Variants in EEFSEC observed in about 807,000 individuals in gnomAD.
EEFSEC encodes selenocysteine-specific elongation factor.
EEFSEC carries 43 observed loss-of-function variants against 42.1 expected under a neutral mutation model. The observed-to-expected ratio is 1.02, with a 90% confidence interval of 0.80 to 1.32. The LOEUF (loss-of-function observed/expected upper bound fraction) is 1.32, where lower values mean the gene tolerates loss of function less well. EEFSEC is among the 40% of genes most tolerant of loss of function. The probability of loss-of-function intolerance (pLI) is 0.00; values close to 1 mark genes in which losing one functional copy is unlikely to be tolerated. For synonymous variants in EEFSEC, 354 were observed against 339.1 expected (o/e 1.04, Z -0.48); for missense variants, 745 against 803.6 (o/e 0.93, Z 0.88).
intron 4 of EEFSEC, among the ~76,000 whole-genome samples, chr3:128,316,434 C>T (rs561859985): frequency 1.3e-4 from 20 of 152,290 alleles, no homozygotes; most frequent in African/African-American, 3.1e-4. Flanking sequence ...TACCGCTCTC[C>T]CCCTCTCTTC....
chr3:128,286,420 T>G (rs776726571), intron 4 of EEFSEC, among the ~76,000 whole-genome samples: 7 of 152,268 alleles, frequency 4.6e-5, no homozygotes, highest in Non-Finnish European at 8.8e-5. Flanking sequence ...TACAGGAGAC[T>G]TGTCTCTTCT....
intron 4 of EEFSEC, among the ~76,000 whole-genome samples, chr3:128,271,201 A>G (rs1213717765): frequency 6.6e-6 from 1 of 152,158 alleles, no homozygotes; most frequent in Non-Finnish European, 1.5e-5. Flanking sequence ...TCAAGGCTGC[A>G]TCCTGATGCT....
At chr3:128,399,399 C>A (rs923828477) in intron 6 of EEFSEC, among the ~76,000 whole-genome samples, 1 of 152,230 alleles carries the variant, frequency 6.6e-6, no homozygotes, top group Non-Finnish European at 1.5e-5. Flanking sequence ...CGCTTGAGAG[C>A]CTCGGAAAGA....
intron 6 of EEFSEC, among the ~76,000 whole-genome samples, chr3:128,373,378 C>T (rs2067675105): frequency 6.6e-6 from 1 of 152,184 alleles, no homozygotes; most frequent in East Asian, 1.9e-4. Context: ...GCCACAGAGT[C>T]AGCTGAGTTT....
intron 5 of EEFSEC, among the ~76,000 whole-genome samples, chr3:128,350,714 G>T (rs535742588): frequency 6.6e-6 from 1 of 152,350 alleles, no homozygotes; most frequent in South Asian, 2.1e-4. Context: ...GAAAGAGCCA[G>T]TTCTGGAAAC....
chr3:128,219,551 A>G (rs894842702), intron 1 of EEFSEC, among the ~76,000 whole-genome samples: 2 of 151,678 alleles, frequency 1.3e-5, no homozygotes, highest in African/African-American at 4.8e-5. Context: ...CTTCTTGACT[A>G]CCCTTTTTAG....
At chr3:128,342,190 G>A (rs536696570) in intron 5 of EEFSEC, among the ~76,000 whole-genome samples, 1 of 152,232 alleles carries the variant, frequency 6.6e-6, no homozygotes, top group Non-Finnish European at 1.5e-5. Flanking sequence ...ATGGGTCTGA[G>A]CAGGTCTGGG....
At chr3:128,421,018 G>A in the EEFSEC span, among the ~76,000 whole-genome samples, 1 of 152,132 alleles carries the variant, frequency 6.6e-6, no homozygotes, top group African/African-American at 2.4e-5. Flanking sequence ...TCATAGGGCT[G>A]GCCAGGGCCA....
intron 4 of EEFSEC, among the ~76,000 whole-genome samples, chr3:128,334,244 A>G (rs1208330602): frequency 6.6e-6 from 1 of 152,148 alleles, no homozygotes; most frequent in Non-Finnish European, 1.5e-5. Context: ...ATTGGCATTG[A>G]TGTGAGAGTC....
chr3:128,414,703 G>T, the EEFSEC span, among the ~76,000 whole-genome samples: 1 of 152,112 alleles, frequency 6.6e-6, no homozygotes, highest in African/African-American at 2.4e-5. Context: ...ACCTCATAGC[G>T]TAACTAACTT....
chr3:128,206,742 A>G (rs73195208), intron 1 of EEFSEC, among the ~76,000 whole-genome samples: 15,835 of 152,164 alleles, frequency 0.1, 859 homozygotes, highest in Non-Finnish European at 0.12. Flanking sequence ...GTGACCTGTA[A>G]GGTAGGTGGG....
At chr3:128,302,927 T>C (rs1238830424) in intron 4 of EEFSEC, among the ~76,000 whole-genome samples, 2 of 152,194 alleles carry the variant, frequency 1.3e-5, no homozygotes, top group African/African-American at 4.8e-5. Flanking sequence ...GTTATATGGC[T>C]GTACCATATT....
intron 1 of EEFSEC, among the ~76,000 whole-genome samples, chr3:128,229,180 T>C (rs1024453281): frequency 6.6e-6 from 1 of 152,180 alleles, no homozygotes; most frequent in Non-Finnish European, 1.5e-5. Flanking sequence ...GTAGGCCCTG[T>C]TTTTACACAG....
chr3:128,216,042 T>G (rs1224585826), intron 1 of EEFSEC, among the ~76,000 whole-genome samples: 1 of 152,080 alleles, frequency 6.6e-6, no homozygotes, highest in Non-Finnish European at 1.5e-5. Context: ...TAGGTCTCCA[T>G]AACAATGGGG....
At chr3:128,404,347 A>C (rs1344587711) in intron 6 of EEFSEC, among the ~76,000 whole-genome samples, 1 of 152,234 alleles carries the variant, frequency 6.6e-6, no homozygotes, top group Non-Finnish European at 1.5e-5. Context: ...CACCAGTGCC[A>C]GATAGACTTT....
At chr3:128,323,949 C>T (rs2067035839) in intron 4 of EEFSEC, among the ~76,000 whole-genome samples, 2 of 152,232 alleles carry the variant, frequency 1.3e-5, no homozygotes, top group South Asian at 4.1e-4. Context: ...GGGGCTCCCT[C>T]AGCTGAGGCT....
At chr3:128,381,156 A>G (rs1033189636) in intron 6 of EEFSEC, among the ~76,000 whole-genome samples, 1 of 152,184 alleles carries the variant, frequency 6.6e-6, no homozygotes, top group African/African-American at 2.4e-5. Flanking sequence ...GGCTTGCTCC[A>G]TGTGATTTCC....
chr3:128,357,806 T>TGG lies in EEFSEC; in HGVS notation c.1444-404_1444-403dup, dbSNP rs961931460. On this transcript the variant is annotated intron_variant, in intron 5 of 6. Coordinates refer to ENST00000254730, the MANE Select transcript of EEFSEC (RefSeq NM_021937.5). Reference sequence around the variant, plus strand: ...CTGGGTCATTGTGGCCCCCCAGGGGTGGGGGGGGCCTGCAACAGGGGCTTG... The same window carrying TGG: ...CTGGGTCATTGTGGCCCCCCAGGGGTGGGGGGGGGGCCTGCAACAGGGGCTTG... Among the ~76,000 whole-genome samples the TGG allele has an allele frequency of 1.4e-4, 20 of 139,916 alleles. 1 individual carries two copies. Among genetic ancestry groups the TGG allele is most frequent in the African/African-American group, 4.6e-4 (16 of 34,644 alleles). The allele number at this position is 139,916 out of a possible 152,430, so 91.8% of individuals were successfully genotyped here. A position where few individuals can be genotyped will look rare whatever the true frequency, so the allele number is the denominator to read the frequency against.
At chr3:128,188,885 G>A (rs2065491555) in intron 1 of EEFSEC, among the ~76,000 whole-genome samples, 1 of 152,194 alleles carries the variant, frequency 6.6e-6, no homozygotes, top group African/African-American at 2.4e-5. Context: ...CCGCTCACCT[G>A]GGAGTTTGAT....
Sources: allele counts gnomAD v4.1 joint callset (sites outside exome capture counted in the v4.1 genomes callset), GRCh38; gene constraint gnomAD v4.1.1; transcripts MANE v1.5; gene names NCBI Gene and HGNC (gene_info 2026-07-23, HGNC 2026-07-21).